Variants in WDR35 observed in about 807,000 individuals in gnomAD.
WDR35 encodes WD repeat domain 35, also known as WD repeat-containing protein 35.
WDR35 carries 118 observed loss-of-function variants against 158.3 expected under a neutral mutation model. That is an observed-to-expected ratio of 0.75 (90% CI 0.64 to 0.87). The LOEUF (loss-of-function observed/expected upper bound fraction) is 0.87, where lower values mean the gene tolerates loss of function less well. Ranked by LOEUF, WDR35 falls within the 40% of genes least tolerant of loss-of-function variation. The pLI is 0.00. For missense variants in WDR35, 1,263 were observed against 1,405.8 expected (o/e 0.90, Z 1.62); for synonymous variants, 448 against 476.1 (o/e 0.94, Z 0.77).
At chr2:19,948,665 C>G (rs946315846) in intron 13 of WDR35, among the ~76,000 whole-genome samples, 2 of 152,118 alleles carry the variant, frequency 1.3e-5, no homozygotes, top group Non-Finnish European at 2.9e-5. Flanking sequence ...TAGGGCATTA[C>G]GCTTAGTGAA....
At chr2:19,944,192 T>A (rs1260458945) in intron 16 of WDR35, among the ~76,000 whole-genome samples, 5 of 152,084 alleles carry the variant, frequency 3.3e-5, no homozygotes, top group Non-Finnish European at 5.9e-5. Flanking sequence ...CAGCATCATT[T>A]ATAAAGAAAT....
chr2:19,980,909 A>G (rs375325018), intron 3 of WDR35, 126 bp from the exon 4 acceptor site: 5 of 794,684 alleles, frequency 6.3e-6, no homozygotes. Flanking sequence ...AGTCTTTAAT[A>G]TTCCTCAAAA....
chr2:19,936,096 C>T, intron 20 of WDR35, 123 bp downstream of exon 20: 14 of 1,444,946 alleles, frequency 9.7e-6, no homozygotes, highest in Non-Finnish European at 1.3e-5. Context: ...GAATCTAGAG[C>T]TATCTGAATT....
intron 25 of WDR35, among the ~76,000 whole-genome samples, chr2:19,916,919 T>C (rs1353552145): frequency 6.6e-6 from 1 of 152,114 alleles, no homozygotes; most frequent in Admixed American, 6.5e-5. Context: ...CTGACCCCCA[T>C]GTATCCTGAC....
At position 19,962,307 on chromosome 2, in the gene WDR35, T is replaced by C. The variant is rs144673252; in HGVS notation, c.1195-1693A>G. Reference sequence around the variant, plus strand: ...TTTCATTTGTTACCGTTGCACCAAATGTCTCCATCTCGTTCTCCTCCTTTG... The same window carrying C: ...TTTCATTTGTTACCGTTGCACCAAACGTCTCCATCTCGTTCTCCTCCTTTG... On this transcript the variant is annotated intron_variant, in intron 10 of 26. Coordinates refer to ENST00000281405, the MANE Select transcript of WDR35 (RefSeq NM_020779.4). The C allele has an allele frequency of 6.1e-4, 980 of 1,613,246 alleles. 11 individuals are homozygous for C. In the South Asian group the frequency reaches 8.4e-3, roughly 14 times the overall value.
At chr2:19,984,046 TATAC>T (rs1242174920) in intron 2 of WDR35, among the ~76,000 whole-genome samples, 1,095 of 22,668 alleles carry the variant, frequency 0.048, 39 homozygotes, top group African/African-American at 0.19. Context: ...TATATACATA[TATAC>T]ACACACCCAC....
chr2:19,975,715 G>A (rs763622393), intron 5 of WDR35, 52 bp from the exon 6 acceptor site: 78 of 1,611,172 alleles, frequency 4.8e-5, no homozygotes, highest in Middle Eastern at 1.6e-4. Flanking sequence ...CTCCAACAAC[G>A]GCTTTCGAAA....
At chr2:19,917,390 G>C (rs1045685809) in intron 25 of WDR35, among the ~76,000 whole-genome samples, 2 of 152,230 alleles carry the variant, frequency 1.3e-5, no homozygotes, top group African/African-American at 4.8e-5. Context: ...GATGGAGAAT[G>C]AATTTGATTA....
chr2:19,962,012 T>C (rs1671678704), intron 10 of WDR35, among the ~76,000 whole-genome samples: 2 of 152,204 alleles, frequency 1.3e-5, no homozygotes, highest in Admixed American at 6.5e-5. Context: ...TTATCTTTAG[T>C]TAATAATGTA....
chr2:19,933,999 T>C (rs1165427207), intron 21 of WDR35, among the ~76,000 whole-genome samples: 4 of 149,836 alleles, frequency 2.7e-5, no homozygotes, highest in Admixed American at 1.3e-4. Context: ...CAGAGCTCTC[T>C]TGGAAAGTGG....
chr2:19,952,358 T>A (rs1671266162), intron 12 of WDR35, among the ~76,000 whole-genome samples: 1 of 152,326 alleles, frequency 6.6e-6, no homozygotes, highest in East Asian at 1.9e-4. Context: ...AAGTACCCAA[T>A]AAATGTTGGC....
chr2:19,951,829 CTGT>C (rs934780157), intron 12 of WDR35: 11 of 173,482 alleles, frequency 6.3e-5, no homozygotes, highest in Non-Finnish European at 1.1e-4. Context: ...CTAACTTTCT[CTGT>C]TGTTTCTCCA....
At chr2:19,961,161 A>G (rs1400857227) in intron 10 of WDR35, among the ~76,000 whole-genome samples, 1 of 152,204 alleles carries the variant, frequency 6.6e-6, no homozygotes, top group East Asian at 1.9e-4. Flanking sequence ...GAATGGTGAA[A>G]TCATCAATCC....
intron 16 of WDR35, among the ~76,000 whole-genome samples, chr2:19,945,069 T>C (rs2103414693): frequency 6.6e-6 from 1 of 152,308 alleles, no homozygotes; most frequent in African/African-American, 2.4e-5. Flanking sequence ...TAATGATGTT[T>C]TGATTAGGTT....
intron 13 of WDR35, among the ~76,000 whole-genome samples, chr2:19,950,681 G>GA (rs1210749629): frequency 6.6e-6 from 1 of 151,962 alleles, no homozygotes; most frequent in Non-Finnish European, 1.5e-5. Flanking sequence ...ATACTTAATT[G>GA]AAAAAAATGG....
intron 24 of WDR35, 140 bp from the exon 25 acceptor site, chr2:19,930,692 A>G (rs1329911708): frequency 7.9e-7 from 1 of 1,265,242 alleles, no homozygotes. Context: ...TTTTTTTTTA[A>G]GAGATGAGGT....
chr2:19,914,145 G>A lies in WDR35; in HGVS notation c.3254C>T (p.Thr1085Ile). Residue 1085 changes from threonine (T) to isoleucine (I), a missense_variant, in exon 26 of 27, where the codon ACC becomes ATC. By Grantham distance (89) the Thr-to-Ile change is moderately conservative (BLOSUM62 -1). Transcript: ENST00000281405. Reference sequence around the variant, plus strand: ...CTGCTGTTTCTGTTCTGAACTGAGGGTCTCTAAAGATTTAAGTTTAATGAA... The same window carrying A: ...CTGCTGTTTCTGTTCTGAACTGAGGATCTCTAAAGATTTAAGTTTAATGAA... ...KAFIKLKSLETLSSEQKQQYE... is the reference protein window; with the variant it reads ...KAFIKLKSLEILSSEQKQQYE... 6.2e-7 allele frequency: 1 copy of A among 1,614,130 alleles called. No homozygotes were observed. The highest frequency in any genetic ancestry group is 1.1e-5 in the South Asian group (1 of 91,084).
intron 12 of WDR35, among the ~76,000 whole-genome samples, chr2:19,952,492 T>G (rs1671271326): frequency 6.6e-6 from 1 of 152,196 alleles, no homozygotes; most frequent in South Asian, 2.1e-4. Flanking sequence ...GCTGTCTTCT[T>G]GATTTAAACT....
At chr2:19,951,789 G>T (rs1434342740) in intron 12 of WDR35, 2 of 224,984 alleles carry the variant, frequency 8.9e-6, no homozygotes, top group African/African-American at 2.3e-5. Context: ...CCCTCCACTT[G>T]AACATCAGTA....
Sources: allele counts gnomAD v4.1 joint callset (sites outside exome capture counted in the v4.1 genomes callset), GRCh38; gene constraint gnomAD v4.1.1; transcripts MANE v1.5; gene names NCBI Gene and HGNC (gene_info 2026-07-23, HGNC 2026-07-21).